Variants in LRBA observed in about 807,000 individuals in gnomAD.
LRBA encodes LPS responsive beige-like anchor protein.
LRBA carries 176 observed loss-of-function variants against 330.0 expected under a neutral mutation model. The ratio of observed to expected loss-of-function variants is 0.53; its 90% CI spans 0.47 to 0.60. LRBA has a LOEUF of 0.60. LRBA is among the 20% of genes least tolerant of loss of function. The pLI, the probability that LRBA is intolerant of heterozygous loss-of-function variation, is 0.00. For missense variants in LRBA, 3,259 were observed against 3,444.8 expected, an observed-to-expected ratio of 0.95 and a Z score of 1.35; for synonymous variants, 1,230 against 1,193.0, an observed-to-expected ratio of 1.03 and a Z score of -0.64.
chr4:151,012,382 AGAT>A (rs1195684485), intron 2 of LRBA, among the ~76,000 whole-genome samples: 1 of 152,246 alleles, frequency 6.6e-6, no homozygotes, highest in African/African-American at 2.4e-5. Flanking sequence ...TTCTGCCAAA[AGAT>A]GTTGTGTCTT....
At chr4:150,542,464 C>G (rs28610034) in intron 40 of LRBA, among the ~76,000 whole-genome samples, 10 of 152,248 alleles carry the variant, frequency 6.6e-5, no homozygotes, top group Non-Finnish European at 1.2e-4. Flanking sequence ...ATGTATTAAG[C>G]ACTTACCATA....
Position 150,488,014 on chromosome 4 carries a change from A to G in LRBA, c.6449-180T>C, listed in dbSNP as rs546551301. Among the ~76,000 whole-genome samples the G allele has an allele frequency of 1.5e-4, 23 of 151,784 alleles. 1 individual carries two copies. The East Asian group carries it at 4.4e-3, about 29-fold the overall frequency. ...TATTAATATGCCAGTGATAATATTC[A>G]TTTCACTTATAAATTCTTTTACCAT... On this transcript the variant is annotated intron_variant, in intron 41 of 56. Coordinates refer to ENST00000651943, the MANE Select transcript of LRBA (RefSeq NM_001364905.1).
At chr4:151,009,907 G>A (rs1169113109) in intron 2 of LRBA, among the ~76,000 whole-genome samples, 2 of 151,922 alleles carry the variant, frequency 1.3e-5, no homozygotes, top group Admixed American at 6.6e-5. Flanking sequence ...GTGAACCTGG[G>A]AGGCGGACCT....
rs192994736 is a variant in LRBA at position 150,932,681 on chromosome 4, C to T, written c.217-3616G>A. ...CTGTAATCCCGGGACTTTGGGAGGC[C>T]GAGGCAGGTGGATCCCTTGAGCGCA... On this transcript the variant is annotated intron_variant, in intron 2 of 56. Transcript: ENST00000651943. Among the ~76,000 whole-genome samples the T allele has an allele frequency of 2.0e-3, 304 of 151,986 alleles. 3 individuals carry two copies. Among genetic ancestry groups the T allele is most frequent in the African/African-American group, 6.9e-3 (285 of 41,446 alleles).
chr4:150,866,658 T>C (rs1373954130), intron 22 of LRBA, among the ~76,000 whole-genome samples: 1 of 152,224 alleles, frequency 6.6e-6, no homozygotes, highest in Non-Finnish European at 1.5e-5. Context: ...ATTCTACTTC[T>C]AGGAATATAT....
chr4:150,291,311 G>A (rs564192985), intron 53 of LRBA, among the ~76,000 whole-genome samples: 6 of 93,708 alleles, frequency 6.4e-5, no homozygotes, highest in Admixed American at 1.3e-4. Context: ...GAAAATTTTC[G>A]CAACCTACTC....
At chr4:150,993,448 T>C (rs533857320) in intron 2 of LRBA, among the ~76,000 whole-genome samples, 30 of 152,310 alleles carry the variant, frequency 2.0e-4, no homozygotes, top group African/African-American at 7.0e-4. Context: ...CTCACACCTG[T>C]AACCCCAGCA....
chr4:150,647,604 G>A (rs763721422), intron 37 of LRBA, among the ~76,000 whole-genome samples: 2 of 151,750 alleles, frequency 1.3e-5, no homozygotes, highest in Non-Finnish European at 2.9e-5. Flanking sequence ...TCCCTATGTT[G>A]CCCAGGCTGG....
At chr4:150,398,268 G>A (rs1470082292) in intron 47 of LRBA, among the ~76,000 whole-genome samples, 15 of 152,238 alleles carry the variant, frequency 9.9e-5, no homozygotes, top group East Asian at 1.9e-4. Context: ...AAGACTAACC[G>A]AAGGGAAATG....
At chr4:150,896,357 A>G in intron 16 of LRBA, 37 bp downstream of exon 16, 2 of 1,159,378 alleles carry the variant, frequency 1.7e-6, no homozygotes, top group Non-Finnish European at 2.5e-6. Context: ...TGTAGCTTCA[A>G]AAATTAAAAT....
In LRBA at chr4:150,914,350, GAA is replaced by G. The variant is rs753223643; in HGVS notation, c.1015-11_1015-10del. 218 of 1,015,924 alleles carry G rather than the reference GAA, an allele frequency of 2.1e-4. No homozygotes were observed. Among genetic ancestry groups the G allele is most frequent in the South Asian group, 7.9e-4 (31 of 39,330 alleles). 62.9% of individuals were successfully genotyped at this position (1,015,924 alleles called of 1,614,324 possible). ...AAACATTTGTCAAAGGTCTGTAAAA[GAA>G]AAAAAAAAAGGAATTAGGAAAAAAC... On this transcript the variant is annotated splice_polypyrimidine_tract_variant and intron_variant, in intron 8 of 56. Coordinates refer to ENST00000651943, the MANE Select transcript of LRBA (RefSeq NM_001364905.1).
chr4:151,007,902 T>A (rs1204417022), intron 2 of LRBA, among the ~76,000 whole-genome samples: 1 of 150,922 alleles, frequency 6.6e-6, no homozygotes, highest in East Asian at 1.9e-4. Context: ...TACCCTTATC[T>A]CACACCATAC....
chr4:150,924,824 T>G (rs981281951), intron 4 of LRBA, among the ~76,000 whole-genome samples: 2 of 152,144 alleles, frequency 1.3e-5, no homozygotes, highest in African/African-American at 4.8e-5. Flanking sequence ...CTCATTCTCC[T>G]CCCCCTCCCC....
intron 35 of LRBA, among the ~76,000 whole-genome samples, chr4:150,759,747 T>G (rs1734819273): frequency 6.6e-6 from 1 of 152,186 alleles, no homozygotes; most frequent in Non-Finnish European, 1.5e-5. Context: ...TCTTTATCTA[T>G]TTTGTTTATT....
chr4:150,372,291 G>A (rs1432657901), intron 47 of LRBA, among the ~76,000 whole-genome samples: 1 of 151,924 alleles, frequency 6.6e-6, no homozygotes, highest in African/African-American at 2.4e-5. Flanking sequence ...CCACTACACC[G>A]TATTTTATTT....
intron 44 of LRBA, among the ~76,000 whole-genome samples, chr4:150,437,601 T>G (rs541091731): frequency 1.3e-5 from 2 of 150,964 alleles, no homozygotes; most frequent in South Asian, 4.2e-4. Flanking sequence ...GATTATGAAC[T>G]TATACTGGAA....
At chr4:150,278,855 T>C in intron 55 of LRBA, among the ~76,000 whole-genome samples, 1 of 152,052 alleles carries the variant, frequency 6.6e-6, no homozygotes, top group East Asian at 1.9e-4. Context: ...GACAGGGTCT[T>C]GCTCTGTCAC....
intron 47 of LRBA, among the ~76,000 whole-genome samples, chr4:150,413,516 A>G (rs1305702727): frequency 6.6e-6 from 1 of 152,222 alleles, no homozygotes; most frequent in Non-Finnish European, 1.5e-5. Context: ...ATGCTAACTG[A>G]AAGAAGACAG....
In LRBA at chr4:150,712,053, G is replaced by C. The variant is rs186977606; in HGVS notation, c.5754+23205C>G. Among the ~76,000 whole-genome samples, 27 of 152,142 alleles carry C rather than the reference G, an allele frequency of 1.8e-4. No individual in the cohort carries two copies. The East Asian group carries it at 4.0e-3, about 23-fold the overall frequency. Reference sequence around the variant, plus strand: ...AAATCATTTTTTACTCAATTCTTCTGGTGCAACTCAAGGACAGGCAGTATA... The same window carrying C: ...AAATCATTTTTTACTCAATTCTTCTCGTGCAACTCAAGGACAGGCAGTATA... On this transcript the variant is annotated intron_variant, in intron 36 of 56. Coordinates refer to ENST00000651943, the MANE Select transcript of LRBA (RefSeq NM_001364905.1).
Sources: gnomAD v4.1 joint callset for allele counts (sites outside exome capture counted in the v4.1 genomes callset) on GRCh38, gnomAD v4.1.1 for gene constraint, MANE v1.5 for transcripts, NCBI Gene and HGNC (gene_info 2026-07-23, HGNC 2026-07-21) for gene names.